TYW1B: variants seen among roughly 807,000 people sequenced by gnomAD.
TYW1B encodes S-adenosyl-L-methionine-dependent tRNA 4-demethylwyosine synthase TYW1B.
TYW1B carries 73 observed loss-of-function variants against 86.9 expected under a neutral mutation model. That is an observed-to-expected ratio of 0.84 (90% CI 0.70 to 1.02). TYW1B has a LOEUF of 1.02. Among genes scored for constraint, TYW1B ranks in the 50% least tolerant of loss-of-function variants. The pLI, the probability that TYW1B is intolerant of heterozygous loss-of-function variation, is 0.00. For synonymous variants in TYW1B, 248 were observed against 292.8 expected, an observed-to-expected ratio of 0.85 and a Z score of 1.56; for missense variants, 637 against 827.4, an observed-to-expected ratio of 0.77 and a Z score of 2.82.
intron 11 of TYW1B, among the ~76,000 whole-genome samples, chr7:72,676,166 A>C (rs2129569815): frequency 6.6e-6 from 1 of 152,304 alleles, no homozygotes; most frequent in Non-Finnish European, 1.5e-5. Flanking sequence ...GGGCTATGTC[A>C]AATAAACAAG....
intron 13 of TYW1B, among the ~76,000 whole-genome samples, chr7:72,589,624 C>T (rs1276409744): frequency 1.3e-5 from 2 of 152,196 alleles, no homozygotes; most frequent in African/African-American, 2.4e-5. Context: ...CGCCTGTAAT[C>T]CCAGCATGTT....
intron 10 of TYW1B, among the ~76,000 whole-genome samples, chr7:72,699,574 G>T (rs1814408011): frequency 6.6e-6 from 1 of 152,096 alleles, no homozygotes; most frequent in South Asian, 2.1e-4. Context: ...CCGAAAGGTT[G>T]CTTTTCTAAG....
At chr7:72,692,182 G>T (rs1814182505) in intron 11 of TYW1B, among the ~76,000 whole-genome samples, 2 of 117,626 alleles carry the variant, frequency 1.7e-5, no homozygotes, top group African/African-American at 6.7e-5. Flanking sequence ...CACCAGCCTA[G>T]GCAACAGAAA....
chr7:72,716,825 T>C (rs1554456183), intron 9 of TYW1B, among the ~76,000 whole-genome samples: 1 of 148,708 alleles, frequency 6.7e-6, no homozygotes, highest in African/African-American at 2.5e-5. Context: ...TTTTTTTGTA[T>C]TTTTAGTAGA....
intron 10 of TYW1B, among the ~76,000 whole-genome samples, chr7:72,702,546 C>T (rs1814498970): frequency 1.3e-5 from 2 of 152,006 alleles, no homozygotes; most frequent in Non-Finnish European, 2.9e-5. Context: ...CGCCACCACA[C>T]CCGGCTAATT....
chr7:72,728,413 TC>T, intron 9 of TYW1B, among the ~76,000 whole-genome samples: 1 of 152,250 alleles, frequency 6.6e-6, no homozygotes, highest in African/African-American at 2.4e-5. Context: ...TTCAAGCAAT[TC>T]TCCTGCCTCA....
intron 9 of TYW1B, among the ~76,000 whole-genome samples, chr7:72,718,390 A>T (rs1554456664): frequency 6.6e-6 from 1 of 152,226 alleles, no homozygotes; most frequent in African/African-American, 2.4e-5. Context: ...AGTAATGGGT[A>T]TGCAAGAAGC....
At chr7:72,579,562 G>A (rs1811101748) in intron 13 of TYW1B, among the ~76,000 whole-genome samples, 1 of 152,196 alleles carries the variant, frequency 6.6e-6, no homozygotes, top group Non-Finnish European at 1.5e-5. Flanking sequence ...GCAGGTGGCT[G>A]CCTTCTTGCT....
At chr7:72,776,258 C>T (rs1787951961) in intron 7 of TYW1B, among the ~76,000 whole-genome samples, 3 of 152,202 alleles carry the variant, frequency 2.0e-5, no homozygotes, top group South Asian at 4.1e-4. Flanking sequence ...AGTGAGATAA[C>T]ATCACTCAAA....
chr7:72,808,669 A>G (rs1788541145), intron 4 of TYW1B, among the ~76,000 whole-genome samples: 1 of 151,822 alleles, frequency 6.6e-6, no homozygotes, highest in Non-Finnish European at 1.5e-5. Flanking sequence ...TTGGGACTAC[A>G]GGCATGCGCC....
intron 11 of TYW1B, among the ~76,000 whole-genome samples, chr7:72,685,608 CAA>C (rs34548116): frequency 1.3e-5 from 2 of 151,560 alleles, no homozygotes; most frequent in Non-Finnish European, 2.9e-5. Flanking sequence ...AATCCACATG[CAA>C]AAAAAAAGAA....
At chr7:72,688,888 T>A (rs1422615000) in intron 11 of TYW1B, among the ~76,000 whole-genome samples, 1 of 152,184 alleles carries the variant, frequency 6.6e-6, no homozygotes, top group Non-Finnish European at 1.5e-5. Context: ...TTAGCCAGCT[T>A]GCAGACACTG....
At chr7:72,675,540 T>TATATAC (rs1491189277) in intron 11 of TYW1B, among the ~76,000 whole-genome samples, 3 of 3,032 alleles carry the variant, frequency 9.9e-4, no homozygotes, top group Non-Finnish European at 2.6e-3. Flanking sequence ...GTGATGTCAG[T>TATATAC]ATATATATAT....
intron 11 of TYW1B, among the ~76,000 whole-genome samples, chr7:72,643,391 A>G (rs1812848813): frequency 1.3e-5 from 2 of 152,154 alleles, no homozygotes; most frequent in Non-Finnish European, 2.9e-5. Context: ...GTTCGAGACC[A>G]GCCTGATCAA....
At chr7:72,787,973 C>CT (rs11314411) in intron 6 of TYW1B, among the ~76,000 whole-genome samples, 103,863 of 151,254 alleles carry the variant, frequency 0.69, 36,578 homozygotes, top group Non-Finnish European at 0.77. Flanking sequence ...ATTCCATCTA[C>CT]TTGTCATTCT....
intron 12 of TYW1B, among the ~76,000 whole-genome samples, chr7:72,625,901 G>A (rs1222618286): frequency 1.7e-4 from 15 of 86,360 alleles, no homozygotes; most frequent in Non-Finnish European, 1.0e-4. Flanking sequence ...TGGGGCGGGG[G>A]GGGGGGAAGA....
intron 13 of TYW1B, 127 bp from the exon 14 acceptor site, chr7:72,575,846 A>G: frequency 7.0e-7 from 1 of 1,427,882 alleles, no homozygotes; most frequent in East Asian, 2.4e-5. Context: ...AAAAACAAAA[A>G]CAAACACAAA....
intron 2 of TYW1B, 113 bp downstream of exon 2, chr7:72,826,742 A>G: frequency 1.5e-6 from 2 of 1,347,016 alleles, no homozygotes; most frequent in Non-Finnish European, 2.0e-6. Context: ...TAGGCATTTC[A>G]TTAAAATGTC....
chr7:72,685,496 A>G (rs1585902013), intron 11 of TYW1B, among the ~76,000 whole-genome samples: 1 of 152,216 alleles, frequency 6.6e-6, no homozygotes, highest in African/African-American at 2.4e-5. Context: ...CAGCCCAGGA[A>G]AAGAGTCACA....
Sources: allele counts gnomAD v4.1 joint callset (sites outside exome capture counted in the v4.1 genomes callset), GRCh38; gene constraint gnomAD v4.1.1; transcripts MANE v1.5; gene names NCBI Gene and HGNC (gene_info 2026-07-23, HGNC 2026-07-21).